The following BCKDHB variants were observed in gnomAD, a reference collection of about 807,000 sequenced individuals.
The protein encoded by BCKDHB is 2-oxoisovalerate dehydrogenase subunit beta, mitochondrial.
A neutral mutation model predicts 48.5 loss-of-function variants in BCKDHB; 41 were observed. That is an observed-to-expected ratio of 0.85 (90% confidence interval 0.66 to 1.10). The LOEUF is 1.10. BCKDHB is among the 50% of genes least tolerant of loss of function. The pLI, the probability that BCKDHB is intolerant of heterozygous loss-of-function variation, is 0.00. For missense variants in BCKDHB, 496 were observed against 494.2 expected (o/e 1.00, Z -0.03); for synonymous variants, 201 against 174.8 (o/e 1.15, Z -1.18).
chr6:80,290,886 C>T (rs1431649384), intron 9 of BCKDHB, among the ~76,000 whole-genome samples: 1 of 152,184 alleles, frequency 6.6e-6, no homozygotes, highest in African/African-American at 2.4e-5. Context: ...CTTTTTAGAA[C>T]ACATAGGGGT....
At chr6:80,210,460 G>A (rs1026243524) in intron 8 of BCKDHB, among the ~76,000 whole-genome samples, 2 of 152,072 alleles carry the variant, frequency 1.3e-5, no homozygotes, top group African/African-American at 2.4e-5. Context: ...GTGTGTAAGG[G>A]CTATGAGTTG....
At chr6:80,198,266 C>T (rs1774224482) in intron 6 of BCKDHB, among the ~76,000 whole-genome samples, 1 of 152,148 alleles carries the variant, frequency 6.6e-6, no homozygotes, top group Admixed American at 6.6e-5. Context: ...AGTTAGCCCA[C>T]CCCTCATTTA....
chr6:80,317,045 A>C (rs1768483301), intron 9 of BCKDHB, among the ~76,000 whole-genome samples: 1 of 152,156 alleles, frequency 6.6e-6, no homozygotes, highest in Non-Finnish European at 1.5e-5. Context: ...AAACATTTGT[A>C]TTCCAATTGC....
At chr6:80,205,012 G>GT (rs980072806) in intron 8 of BCKDHB, among the ~76,000 whole-genome samples, 14 of 152,022 alleles carry the variant, frequency 9.2e-5, no homozygotes, top group Non-Finnish European at 7.4e-5. Flanking sequence ...ATTTTGTTTT[G>GT]TTTTGGGATG....
intron 8 of BCKDHB, among the ~76,000 whole-genome samples, chr6:80,257,157 G>T (rs1317249899): frequency 6.6e-6 from 1 of 152,044 alleles, no homozygotes; most frequent in Non-Finnish European, 1.5e-5. Flanking sequence ...GCTATGCACT[G>T]ATGCCCTGAA....
rs775427993 is a variant in BCKDHB at position 80,201,026 on chromosome 6, A to G, written c.835A>G (p.Thr279Ala). The change falls in exon 7 of 10, where the codon ACT becomes GCT. Residue 279 changes from threonine (T) to alanine (A), a missense_variant. Physicochemically the swap from Thr to Ala is moderately conservative, Grantham distance 58 (BLOSUM62 0). Transcript: ENST00000320393. ...GSDVTLVAWGTQVHVIREVAS... is the reference protein window; with the variant it reads ...GSDVTLVAWGAQVHVIREVAS... ...TGATGTTACTCTAGTTGCCTGGGGC[A>G]CTCAGGTGAGTAGCATTGATCCCAA... 5.6e-6 allele frequency: 9 copies of G among 1,605,904 alleles called. No homozygotes were observed. The highest frequency in any genetic ancestry group is 3.3e-5 in the Admixed American group (2 of 59,928).
chr6:80,143,036 G>A lies in BCKDHB; in HGVS notation c.343+13807G>A, dbSNP rs1771300399. 2.0e-5 allele frequency among the ~76,000 whole-genome samples: 3 copies of A among 152,062 alleles called. No individual in the cohort carries two copies. The South Asian group carries it at 6.2e-4, about 31-fold the overall frequency. ...AATTTAGATTCCTAAAATTATCAGG[G>A]CTGAAAAAGGATCAGTATAACAATT... On this transcript the variant is annotated intron_variant, in intron 3 of 9. Transcript: ENST00000320393.
At chr6:80,420,996 C>A in the BCKDHB span, among the ~76,000 whole-genome samples, 1 of 152,120 alleles carries the variant, frequency 6.6e-6, no homozygotes, top group African/African-American at 2.4e-5. Context: ...TTTTGTTTTA[C>A]TGGAATACTG....
chr6:80,171,463 TC>T, intron 6 of BCKDHB, 73 bp downstream of exon 6: 1 of 861,028 alleles, frequency 1.2e-6, no homozygotes, highest in Non-Finnish European at 1.8e-6. Flanking sequence ...AAAAGTTATA[TC>T]TTTTTTTTCT....
chr6:80,413,706 G>A, the BCKDHB span, among the ~76,000 whole-genome samples: 1 of 152,122 alleles, frequency 6.6e-6, no homozygotes, highest in Non-Finnish European at 1.5e-5. Flanking sequence ...CCATTGATGG[G>A]CACTTAGATT....
chr6:80,312,774 TGAAGC>T (rs1223953862), intron 9 of BCKDHB, among the ~76,000 whole-genome samples: 1 of 152,230 alleles, frequency 6.6e-6, no homozygotes, highest in Admixed American at 6.5e-5. Context: ...ATCCCACGGG[TGAAGC>T]CAGCTTGATT....
At chr6:80,219,443 G>C (rs534033564) in intron 8 of BCKDHB, among the ~76,000 whole-genome samples, 13 of 152,216 alleles carry the variant, frequency 8.5e-5, no homozygotes, top group African/African-American at 3.1e-4. Context: ...CTGACTTCGG[G>C]TGATCCACAC....
intron 9 of BCKDHB, among the ~76,000 whole-genome samples, chr6:80,308,297 T>A (rs1370508063): frequency 6.6e-6 from 1 of 152,138 alleles, no homozygotes; most frequent in African/African-American, 2.4e-5. Context: ...AAGTCGTGTT[T>A]AATGGCCATA....
chr6:80,211,332 C>G (rs1486389825), intron 8 of BCKDHB, among the ~76,000 whole-genome samples: 11 of 152,070 alleles, frequency 7.2e-5, no homozygotes, highest in Admixed American at 7.2e-4. Context: ...CTGGTGTGTC[C>G]TGCCTCCCAG....
At chr6:80,450,581 TC>T in the BCKDHB span, among the ~76,000 whole-genome samples, 1 of 152,184 alleles carries the variant, frequency 6.6e-6, no homozygotes, top group East Asian at 1.9e-4. Context: ...TCAGAGGCAC[TC>T]CCGTAATTTG....
chr6:80,232,341 A>G (rs1775962695), intron 8 of BCKDHB, among the ~76,000 whole-genome samples: 1 of 151,952 alleles, frequency 6.6e-6, no homozygotes, highest in Admixed American at 6.6e-5. Context: ...ATCAAGATCA[A>G]CCATAGAACT....
the BCKDHB span, among the ~76,000 whole-genome samples, chr6:80,412,584 T>C: frequency 6.6e-6 from 1 of 152,232 alleles, no homozygotes; most frequent in African/African-American, 2.4e-5. Flanking sequence ...TAGAGTTTTT[T>C]GAATTTGACT....
At chr6:80,433,285 C>G in the BCKDHB span, among the ~76,000 whole-genome samples, 2 of 152,172 alleles carry the variant, frequency 1.3e-5, no homozygotes, top group African/African-American at 4.8e-5. Flanking sequence ...CCCAGGTGCT[C>G]TGTCCCAGGG....
At chr6:80,277,145 C>T (rs759548555) in intron 9 of BCKDHB, among the ~76,000 whole-genome samples, 1 of 151,988 alleles carries the variant, frequency 6.6e-6, no homozygotes, top group Non-Finnish European at 1.5e-5. Flanking sequence ...ATGAATTGTG[C>T]ACCGTAATTT....
Sources: gnomAD v4.1 joint callset for allele counts (sites outside exome capture counted in the v4.1 genomes callset) on GRCh38, gnomAD v4.1.1 for gene constraint, MANE v1.5 for transcripts, NCBI Gene and HGNC (gene_info 2026-07-23, HGNC 2026-07-21) for gene names.